Variants in USH2A observed in about 807,000 individuals in gnomAD.
The protein encoded by USH2A is Usher syndrome 2A (autosomal recessive, mild).
Under a neutral mutation model 538.9 loss-of-function variants are expected in USH2A, and 443 were observed. The observed-to-expected ratio is 0.82, with a 90% CI of 0.76 to 0.89. The LOEUF (loss-of-function observed/expected upper bound fraction) is 0.89. Ranked by LOEUF, USH2A falls within the 40% of genes least tolerant of loss-of-function variation. The pLI, the probability that USH2A is intolerant of heterozygous loss-of-function variation, is 0.00. For missense variants in USH2A, 6,633 were observed against 6,324.8 expected (o/e 1.05, Z -1.65); for synonymous variants, 2,413 against 2,273.5 (o/e 1.06, Z -1.75).
chr1:215,664,903 G>C (rs1387724808), intron 64 of USH2A, among the ~76,000 whole-genome samples: 1 of 152,166 alleles, frequency 6.6e-6, no homozygotes, highest in Non-Finnish European at 1.5e-5. Context: ...ATAAATATTT[G>C]TTATTTAAAG....
intron 32 of USH2A, among the ~76,000 whole-genome samples, chr1:216,006,912 T>C (rs1668405974): frequency 6.6e-6 from 1 of 152,226 alleles, no homozygotes; most frequent in Non-Finnish European, 1.5e-5. Flanking sequence ...TTCTCAGTGA[T>C]ATGGTTTGGC....
chr1:215,976,037 G>A (rs1282302626), intron 35 of USH2A, among the ~76,000 whole-genome samples: 1 of 151,994 alleles, frequency 6.6e-6, no homozygotes, highest in Non-Finnish European at 1.5e-5. Flanking sequence ...TCACCTTCTT[G>A]GATGGATGTA....
At chr1:215,702,211 T>C (rs1258671375) in intron 61 of USH2A, among the ~76,000 whole-genome samples, 1 of 152,214 alleles carries the variant, frequency 6.6e-6, no homozygotes, top group South Asian at 2.1e-4. Context: ...TGGGCTTCCC[T>C]TTGTAGGTAA....
chr1:215,778,614 T>C (rs1661533624), intron 55 of USH2A, among the ~76,000 whole-genome samples: 1 of 152,198 alleles, frequency 6.6e-6, no homozygotes, highest in Admixed American at 6.5e-5. Context: ...AAGGCCTTTC[T>C]GCACTTTTCT....
chr1:216,406,250 A>G (rs756643078), intron 3 of USH2A, among the ~76,000 whole-genome samples: 3 of 152,204 alleles, frequency 2.0e-5, no homozygotes, highest in Admixed American at 6.5e-5. Flanking sequence ...ATATTGTACC[A>G]TAGTTATAAA....
At chr1:216,304,906 A>G (rs886077217) in intron 9 of USH2A, among the ~76,000 whole-genome samples, 3 of 151,932 alleles carry the variant, frequency 2.0e-5, no homozygotes, top group African/African-American at 4.8e-5. Context: ...CAGTTTTCTT[A>G]AATGTATTGA....
chr1:216,218,995 T>C (rs1404987236), intron 14 of USH2A, among the ~76,000 whole-genome samples: 2 of 147,160 alleles, frequency 1.4e-5, no homozygotes, highest in Non-Finnish European at 3.0e-5. Flanking sequence ...AATGTATGTG[T>C]GTGTGTGTGT....
At chr1:216,339,609 T>G (rs912799398) in intron 4 of USH2A, among the ~76,000 whole-genome samples, 1 of 151,900 alleles carries the variant, frequency 6.6e-6, no homozygotes, top group African/African-American at 2.4e-5. Context: ...CCTCAGCAAA[T>G]GCAAAAGAAC....
rs1240942157 is a variant in USH2A at position 216,247,066 on chromosome 1, C to G, written c.2328G>C (p.Gln776His). Residue 776 changes from glutamine (Q) to histidine (H), a missense_variant, in exon 13 of 72, where the codon CAG (glutamine) becomes CAC (histidine). By Grantham distance (24) the Gln-to-His change is conservative. Coordinates refer to ENST00000307340, the MANE Select transcript of USH2A (RefSeq NM_206933.4). ...CECKKEAKGL[Q>H]CDTCRENFYG... Reference sequence around the variant, plus strand: ...AAAAGTTTTCTCTGCAGGTGTCACACTGAAGTCCTTTGGCTTCTTTTTTGC... The same window carrying G: ...AAAAGTTTTCTCTGCAGGTGTCACAGTGAAGTCCTTTGGCTTCTTTTTTGC... 1.9e-6 allele frequency: 3 copies of G among 1,614,062 alleles called. No individual in the cohort carries two copies. Among genetic ancestry groups the G allele is most frequent in the Non-Finnish European group, 2.5e-6 (3 of 1,179,956 alleles).
chr1:216,369,240 G>A (rs1320364198), intron 3 of USH2A, among the ~76,000 whole-genome samples: 1 of 152,128 alleles, frequency 6.6e-6, no homozygotes, highest in East Asian at 1.9e-4. Context: ...GTAAGGCAAT[G>A]TATCCTGAAA....
chr1:216,269,293 A>G (rs2036532450), intron 11 of USH2A, among the ~76,000 whole-genome samples: 1 of 152,010 alleles, frequency 6.6e-6, no homozygotes, highest in Admixed American at 6.6e-5. Context: ...GATGGTTTTA[A>G]AAACAAGAGT....
In USH2A at chr1:216,323,543, T is replaced by C. The variant is rs898430789; in HGVS notation, c.1481A>G (p.Tyr494Cys). Residue 494 changes from tyrosine (Y) to cysteine (C), a missense_variant, in exon 8 of 72, where the codon TAT (tyrosine) becomes TGT (cysteine). Physicochemically the swap from Tyr to Cys is radical, Grantham distance 194 (BLOSUM62 -2). Transcript: ENST00000307340. ...GAGGTTAACAGCAGTCTCAGTTGTATAGTACTGCCCATGAAAATGAAACCT... is the reference window on the plus strand; with the variant it reads ...GAGGTTAACAGCAGTCTCAGTTGTACAGTACTGCCCATGAAAATGAAACCT... Reference protein sequence around the residue: ...QIRFHFHGQYYTTETAVNLRH... With the variant: ...QIRFHFHGQYCTTETAVNLRH... The C allele has an allele frequency of 1.2e-5, 20 of 1,613,454 alleles. No individual in the cohort carries two copies. The highest frequency in any genetic ancestry group is 1.6e-4 in the Middle Eastern group (1 of 6,076).
chr1:216,261,594 T>A (rs1461573339), intron 11 of USH2A, among the ~76,000 whole-genome samples: 1 of 151,506 alleles, frequency 6.6e-6, no homozygotes, highest in Non-Finnish European at 1.5e-5. Context: ...ATTAAAGGAA[T>A]AAGTTAATAA....
intron 61 of USH2A, among the ~76,000 whole-genome samples, chr1:215,692,912 A>AT (rs896451442): frequency 2.7e-5 from 4 of 149,420 alleles, no homozygotes; most frequent in Non-Finnish European, 4.5e-5. Context: ...TTCGTTTTTA[A>AT]TTTTTTTTTG....
At chr1:215,895,166 G>A (rs1665300724) in intron 40 of USH2A, among the ~76,000 whole-genome samples, 1 of 152,156 alleles carries the variant, frequency 6.6e-6, no homozygotes, top group South Asian at 2.1e-4. Context: ...GTACACAGTA[G>A]GTACACGGTA....
chr1:215,884,302 G>T (rs1436783079), intron 41 of USH2A, among the ~76,000 whole-genome samples: 7 of 152,184 alleles, frequency 4.6e-5, no homozygotes, highest in Admixed American at 4.6e-4. Context: ...ATTCTGATTT[G>T]AATGATGTTC....
chr1:216,193,153 T>A (rs2034756618), intron 19 of USH2A, among the ~76,000 whole-genome samples: 1 of 152,082 alleles, frequency 6.6e-6, no homozygotes, highest in South Asian at 2.1e-4. Context: ...GAATAGTTTA[T>A]AAAGCCAGAG....
intron 21 of USH2A, among the ~76,000 whole-genome samples, chr1:216,162,012 C>A (rs1054537451): frequency 6.6e-6 from 1 of 151,962 alleles, no homozygotes; most frequent in Non-Finnish European, 1.5e-5. Flanking sequence ...CTGTAATATA[C>A]CTGGATATGG....
At chr1:216,354,584 T>C (rs548106687) in intron 4 of USH2A, among the ~76,000 whole-genome samples, 35 of 152,236 alleles carry the variant, frequency 2.3e-4, no homozygotes, top group Non-Finnish European at 4.4e-4. Flanking sequence ...AAAAGTATAA[T>C]TTAGAAATCA....
Sources: allele counts gnomAD v4.1 joint callset (sites outside exome capture counted in the v4.1 genomes callset), GRCh38; gene constraint gnomAD v4.1.1; transcripts MANE v1.5; gene names NCBI Gene and HGNC (gene_info 2026-07-23, HGNC 2026-07-21).